Variants in NTN1 observed in about 807,000 individuals in gnomAD.
NTN1 encodes netrin-1.
NTN1 carries 11 observed loss-of-function variants against 54.2 expected under a neutral mutation model. The observed-to-expected ratio is 0.20, with a 90% CI of 0.13 to 0.34. NTN1 has a LOEUF of 0.34. NTN1 is among the 10% of genes least tolerant of loss of function. The probability of loss-of-function intolerance (pLI) is 1.00; values close to 1 mark genes in which losing one functional copy is unlikely to be tolerated. For missense variants in NTN1, 740 were observed against 893.1 expected, an observed-to-expected ratio of 0.83 and a Z score of 2.18; for synonymous variants, 371 against 382.0, an observed-to-expected ratio of 0.97 and a Z score of 0.33.
intron 2 of NTN1, among the ~76,000 whole-genome samples, chr17:9,082,153 G>A (rs1423169609): frequency 7.9e-5 from 12 of 152,128 alleles, no homozygotes; most frequent in Admixed American, 3.9e-4. Flanking sequence ...TCTGCCTCCT[G>A]GGTTCAAGAG....
intron 2 of NTN1, among the ~76,000 whole-genome samples, chr17:9,139,294 G>A (rs886779040): frequency 2.0e-5 from 3 of 152,208 alleles, no homozygotes; most frequent in African/African-American, 7.2e-5. Context: ...GCAGGTACCG[G>A]AGGGCCAGGC....
At chr17:9,060,086 C>G (rs139352170) in intron 2 of NTN1, among the ~76,000 whole-genome samples, 20 of 152,136 alleles carry the variant, frequency 1.3e-4, no homozygotes, top group Non-Finnish European at 2.8e-4. Flanking sequence ...TAATGATAAG[C>G]GTACAGTTGG....
At chr17:9,153,370 A>G (rs1421692615) in intron 2 of NTN1, among the ~76,000 whole-genome samples, 1 of 152,078 alleles carries the variant, frequency 6.6e-6, no homozygotes, top group Non-Finnish European at 1.5e-5. Context: ...AATCGCTTGA[A>G]CCTGGGAGGC....
At chr17:9,225,706 G>A (rs1295533407) in intron 6 of NTN1, among the ~76,000 whole-genome samples, 2 of 152,182 alleles carry the variant, frequency 1.3e-5, no homozygotes, top group African/African-American at 4.8e-5. Flanking sequence ...AGGGGAGGCC[G>A]CCAAACCGGG....
chr17:9,044,362 A>G (rs576977239), intron 2 of NTN1, among the ~76,000 whole-genome samples: 1 of 151,878 alleles, frequency 6.6e-6, no homozygotes, highest in East Asian at 1.9e-4. Context: ...AGCCTCCCAA[A>G]TAGCTGGGAC....
In NTN1 at chr17:9,212,455, G is replaced by A. The variant is rs1168626865; in HGVS notation, c.1412-8713G>A. Among the ~76,000 whole-genome samples the A allele has an allele frequency of 2.0e-5, 3 of 152,208 alleles. No individual in the cohort carries two copies. Among genetic ancestry groups the A allele is most frequent in the Non-Finnish European group, 4.4e-5 (3 of 68,048 alleles). On this transcript the variant is annotated intron_variant, in intron 5 of 6. Coordinates refer to ENST00000173229, the MANE Select transcript of NTN1 (RefSeq NM_004822.3). This position sits in a 1 kb window ranked among gnomAD's most constrained non-coding sequence, Gnocchi z 5.5. ...CGCGGAGATTCCATGCAGCTTTCTG[G>A]TTCTAGATCAGGCAGCACCAAACAT... is the stretch of plus-strand genomic sequence containing the variant.
At chr17:9,161,873 C>T (rs1009860594) in intron 2 of NTN1, among the ~76,000 whole-genome samples, 5 of 152,110 alleles carry the variant, frequency 3.3e-5, no homozygotes, top group Non-Finnish European at 7.3e-5. Flanking sequence ...AACCTGAGGG[C>T]AGGATGGTAA....
intron 2 of NTN1, among the ~76,000 whole-genome samples, chr17:9,143,815 G>A (rs549696367): frequency 6.6e-6 from 1 of 152,276 alleles, no homozygotes; most frequent in South Asian, 2.1e-4. Context: ...AAGGGACTGA[G>A]GTCTGCAGAG....
At chr17:9,124,179 C>CA (rs1256306705) in intron 2 of NTN1, among the ~76,000 whole-genome samples, 6 of 152,238 alleles carry the variant, frequency 3.9e-5, no homozygotes. Flanking sequence ...TCAGCAGCCT[C>CA]ACTCTTCTGA....
At chr17:9,008,451 C>G in the NTN1 span, among the ~76,000 whole-genome samples, 1 of 152,182 alleles carries the variant, frequency 6.6e-6, no homozygotes, top group East Asian at 1.9e-4. Context: ...CCCCCAGTAG[C>G]TGGGGTTACA....
In NTN1 at chr17:9,107,779, C is replaced by CGGT. The variant is rs2142248474; in HGVS notation, c.1019-55032_1019-55030dup. Among the ~76,000 whole-genome samples the CGGT allele has an allele frequency of 2.0e-5, 3 of 152,318 alleles. No homozygotes were observed. The South Asian group carries it at 6.2e-4, about 32-fold the overall frequency. Reference sequence around the variant, plus strand: ...TATAGCTGCTTTCGCACTGCAATGTCGGTGTTAAGTCACTGTGACAAAAAC... The same window carrying CGGT: ...TATAGCTGCTTTCGCACTGCAATGTCGGTGGTGTTAAGTCACTGTGACAAAAAC... On this transcript the variant is annotated intron_variant, in intron 2 of 6. Transcript: ENST00000173229.
chr17:9,034,431 C>T (rs199630272), intron 2 of NTN1, among the ~76,000 whole-genome samples: 48 of 145,276 alleles, frequency 3.3e-4, no homozygotes, highest in Non-Finnish European at 3.2e-4. Context: ...TTTTCTTTTT[C>T]TTTTTTTTTA....
At chr17:9,010,553 T>C in the NTN1 span, among the ~76,000 whole-genome samples, 1 of 152,230 alleles carries the variant, frequency 6.6e-6, no homozygotes. Flanking sequence ...TTCCTTTCAT[T>C]TGCCCCAAGC....
chr17:9,216,991 G>A (rs186118242), intron 5 of NTN1, among the ~76,000 whole-genome samples: 28 of 151,560 alleles, frequency 1.8e-4, no homozygotes, highest in Admixed American at 9.9e-4. Flanking sequence ...GCAGTGAGCC[G>A]AGATCATGCC....
intron 2 of NTN1, among the ~76,000 whole-genome samples, chr17:9,123,885 G>T (rs1388826143): frequency 6.6e-6 from 1 of 152,066 alleles, no homozygotes; most frequent in Non-Finnish European, 1.5e-5. Flanking sequence ...AAATGTGAAG[G>T]GTTATTCATG....
At chr17:9,178,166 T>C (rs2092406278) in intron 3 of NTN1, among the ~76,000 whole-genome samples, 1 of 152,300 alleles carries the variant, frequency 6.6e-6, no homozygotes, top group African/African-American at 2.4e-5. Context: ...CATTGCACTC[T>C]AGCCTGGGCA....
intron 5 of NTN1, among the ~76,000 whole-genome samples, chr17:9,220,657 G>A (rs572344186): frequency 1.3e-5 from 2 of 152,132 alleles, no homozygotes; most frequent in African/African-American, 2.4e-5. Flanking sequence ...CACTGCAGTA[G>A]AGTGAACACC....
chr17:9,227,498 TACACACCATCACAC>T (rs1163264625), intron 6 of NTN1, among the ~76,000 whole-genome samples: 1 of 142,768 alleles, frequency 7.0e-6, no homozygotes, highest in Admixed American at 7.0e-5. Flanking sequence ...CACATGCACA[TACACACCATCACAC>T]ACACCACACA....
chr17:9,021,300 C>G (rs1281705184), upstream of NTN1, among the ~76,000 whole-genome samples: 1 of 151,990 alleles, frequency 6.6e-6, no homozygotes, highest in Non-Finnish European at 1.5e-5. Context: ...GCTCTCCTCG[C>G]TTTCTCTTTG....
Sources: gnomAD v4.1 joint callset for allele counts (sites outside exome capture counted in the v4.1 genomes callset) on GRCh38, gnomAD v4.1.1 for gene constraint, Gnocchi (gnomAD v3.1) non-coding constraint, MANE v1.5 for transcripts, NCBI Gene and HGNC (gene_info 2026-07-23, HGNC 2026-07-21) for gene names.